Variants in MTUS2 observed in about 807,000 individuals in gnomAD.
MTUS2 encodes the protein microtubule-associated tumor suppressor candidate 2.
In MTUS2, 40 loss-of-function variants were observed where a neutral mutation model predicts 114.1. That is an observed-to-expected ratio of 0.35 (90% CI 0.27 to 0.46). The LOEUF (loss-of-function observed/expected upper bound fraction) is 0.46, where lower values mean the gene tolerates loss of function less well. Among genes scored for constraint, MTUS2 ranks in the 20% least tolerant of loss-of-function variants. MTUS2 has a pLI of 1.00. For synonymous variants in MTUS2, 688 were observed against 672.0 expected (o/e 1.02, Z -0.37); for missense variants, 1,679 against 1,705.4 (o/e 0.98, Z 0.27).
intron 9 of MTUS2, among the ~76,000 whole-genome samples, chr13:29,455,285 G>A (rs1188858471): frequency 6.6e-6 from 1 of 152,156 alleles, no homozygotes; most frequent in Non-Finnish European, 1.5e-5. Context: ...TATTCAGAGG[G>A]CCTGCAGGGG....
chr13:29,428,546 G>T, intron 8 of MTUS2: 1 of 566,120 alleles, frequency 1.8e-6, no homozygotes, highest in South Asian at 2.9e-5. Context: ...TCACCCTGAG[G>T]ACTCCAGTGG....
At chr13:29,336,244 C>G (rs886200128) in intron 7 of MTUS2, among the ~76,000 whole-genome samples, 2 of 152,122 alleles carry the variant, frequency 1.3e-5, no homozygotes, top group Non-Finnish European at 2.9e-5. Flanking sequence ...AATTTTCAGC[C>G]TTTTTGTGCT....
intron 2 of MTUS2, among the ~76,000 whole-genome samples, chr13:28,999,723 C>A (rs1227199460): frequency 2.6e-5 from 4 of 152,070 alleles, no homozygotes; most frequent in Non-Finnish European, 2.9e-5. Flanking sequence ...AGAACTTATT[C>A]CTCCTAACTG....
Position 28,855,793 on chromosome 13 carries a change from A to G in MTUS2, c.-243+15943A>G, listed in dbSNP as rs1401216171. Reference sequence around the variant, plus strand: ...ATATTCCTTTGGGTATATACTAGTAATGGGATTGCTGGGTCAAATGGTATG... The same window carrying G: ...ATATTCCTTTGGGTATATACTAGTAGTGGGATTGCTGGGTCAAATGGTATG... On this transcript the variant is annotated intron_variant, in intron 2 of 15. Coordinates refer to ENST00000612955, the MANE Select transcript of MTUS2 (RefSeq NM_001033602.4). Among the ~76,000 whole-genome samples the G allele has an allele frequency of 2.6e-5, 4 of 152,240 alleles. No homozygotes were observed. The South Asian group carries it at 8.3e-4, about 32-fold the overall frequency.
chr13:29,373,200 C>T (rs1469603432), intron 8 of MTUS2, among the ~76,000 whole-genome samples: 1 of 152,174 alleles, frequency 6.6e-6, no homozygotes, highest in Non-Finnish European at 1.5e-5. Flanking sequence ...CTTCATTTCC[C>T]CATACCCTAA....
At chr13:29,021,914 CA>C (rs1231251452) in intron 2 of MTUS2, among the ~76,000 whole-genome samples, 3 of 152,084 alleles carry the variant, frequency 2.0e-5, no homozygotes, top group African/African-American at 4.8e-5. Flanking sequence ...CAGGCTGCAC[CA>C]GGGGGTGCTA....
At chr13:29,235,634 CT>C (rs1486160286) in intron 5 of MTUS2, among the ~76,000 whole-genome samples, 4 of 151,496 alleles carry the variant, frequency 2.6e-5, no homozygotes, top group African/African-American at 7.3e-5. Context: ...TTATTCAATC[CT>C]TTTTTTTCAA....
intron 5 of MTUS2, among the ~76,000 whole-genome samples, chr13:29,106,257 C>A (rs561973248): frequency 6.6e-6 from 1 of 152,180 alleles, no homozygotes; most frequent in African/African-American, 2.4e-5. Flanking sequence ...ACAAATTCTT[C>A]GTTTTTTAGT....
chr13:29,478,013 A>G (rs4326896), intron 9 of MTUS2, among the ~76,000 whole-genome samples: 132,295 of 152,266 alleles, frequency 0.87, 58,017 homozygotes, highest in Non-Finnish European at 0.94. Context: ...CCAAACAGGC[A>G]TAAGCTCAAT....
At chr13:29,385,616 TTGC>T (rs1000268947) in intron 8 of MTUS2, among the ~76,000 whole-genome samples, 2 of 139,388 alleles carry the variant, frequency 1.4e-5, no homozygotes, top group Non-Finnish European at 3.1e-5. Flanking sequence ...AGTTTGCCTG[TTGC>T]TGCTGCTGCT....
intron 2 of MTUS2, among the ~76,000 whole-genome samples, chr13:28,906,583 C>T (rs1880031210): frequency 2.0e-5 from 3 of 151,558 alleles, no homozygotes; most frequent in Non-Finnish European, 4.4e-5. Flanking sequence ...GTTTCTTAAT[C>T]CTGAGTTCTA....
intron 10 of MTUS2, among the ~76,000 whole-genome samples, chr13:29,483,613 G>A (rs1314223871): frequency 2.0e-5 from 3 of 152,222 alleles, no homozygotes; most frequent in African/African-American, 2.4e-5. Context: ...GGGAGCTGCA[G>A]GACCCTGCTG....
intron 8 of MTUS2, among the ~76,000 whole-genome samples, chr13:29,437,111 ACT>A (rs1491303675): frequency 1.1e-4 from 16 of 152,076 alleles, no homozygotes; most frequent in Non-Finnish European, 1.5e-5. Flanking sequence ...CTAGGGCATG[ACT>A]CTGATAACGT....
At chr13:29,428,837 G>A (rs1486507788) in intron 8 of MTUS2, 2 of 1,613,852 alleles carry the variant, frequency 1.2e-6, no homozygotes, top group South Asian at 1.1e-5. Flanking sequence ...CAGCCAGCCT[G>A]CCGGGATGGG....
intron 7 of MTUS2, among the ~76,000 whole-genome samples, chr13:29,352,051 A>C (rs547954639): frequency 6.6e-6 from 1 of 151,984 alleles, no homozygotes; most frequent in Non-Finnish European, 1.5e-5. Context: ...CTCTTTTTGC[A>C]TGCATCTGCA....
chr13:28,836,788 G>A (rs1407914044), intron 1 of MTUS2, among the ~76,000 whole-genome samples: 2 of 152,162 alleles, frequency 1.3e-5, no homozygotes, highest in African/African-American at 2.4e-5. Flanking sequence ...TTGAAAGGGT[G>A]GTGTGGCTGA....
At chr13:29,131,829 G>A (rs909112499) in intron 5 of MTUS2, among the ~76,000 whole-genome samples, 3 of 152,254 alleles carry the variant, frequency 2.0e-5, no homozygotes, top group Admixed American at 6.5e-5. Context: ...TTTGTTCCCA[G>A]TATCAAATGA....
intron 5 of MTUS2, among the ~76,000 whole-genome samples, chr13:29,109,375 T>C (rs1010397213): frequency 6.6e-6 from 1 of 152,182 alleles, no homozygotes; most frequent in Non-Finnish European, 1.5e-5. Context: ...TACAATATAG[T>C]GTTATTAATA....
intron 2 of MTUS2, among the ~76,000 whole-genome samples, chr13:28,992,878 A>C (rs78532757): frequency 0.018 from 2,687 of 152,230 alleles, 83 homozygotes; most frequent in African/African-American, 0.061. Context: ...CCCCGTTAAA[A>C]AACTTTCCAT....
Sources: gnomAD v4.1 joint callset for allele counts (sites outside exome capture counted in the v4.1 genomes callset) on GRCh38, gnomAD v4.1.1 for gene constraint, MANE v1.5 for transcripts, NCBI Gene and HGNC (gene_info 2026-07-23, HGNC 2026-07-21) for gene names.